Variants in XKR6 observed in about 807,000 individuals in gnomAD.
XKR6 encodes the protein XK-related protein 6.
Under a neutral mutation model 56.7 loss-of-function variants are expected in XKR6, and 22 were observed. The ratio of observed to expected loss-of-function variants is 0.39; its 90% confidence interval spans 0.28 to 0.55. The LOEUF is 0.55. XKR6 is among the 20% of genes least tolerant of loss of function. The pLI, the probability that XKR6 is intolerant of heterozygous loss-of-function variation, is 0.66. For missense variants in XKR6, 852 were observed against 889.0 expected (o/e 0.96, Z 0.53); for synonymous variants, 524 against 387.8 (o/e 1.35, Z -4.13).
chr8:11,103,585 G>A lies in XKR6; in HGVS notation c.764+96991C>T, dbSNP rs560346244. Among the ~76,000 whole-genome samples the A allele has an allele frequency of 6.6e-5, 10 of 152,208 alleles. No homozygotes were observed. In the South Asian group the frequency reaches 1.5e-3, roughly 22 times the overall value. On this transcript the variant is annotated intron_variant, in intron 1 of 2. Transcript: ENST00000416569. ...GATGTGGGTTTCTAAGGTCAAAATG[G>A]GGCTGTAAAGGGTCACTGAGAACCA...
intron 1 of XKR6, among the ~76,000 whole-genome samples, chr8:11,155,958 A>T (rs947935366): frequency 2.6e-5 from 4 of 152,160 alleles, no homozygotes; most frequent in African/African-American, 7.2e-5. Flanking sequence ...ATTCTGTGTG[A>T]ACTCAACCCT....
intron 1 of XKR6, among the ~76,000 whole-genome samples, chr8:10,977,214 A>C (rs1366975628): frequency 6.6e-6 from 1 of 152,030 alleles, no homozygotes; most frequent in Non-Finnish European, 1.5e-5. Context: ...CCCTCATTTT[A>C]CTAAGATGGA....
chr8:11,127,848 T>C (rs1586584985), intron 1 of XKR6, among the ~76,000 whole-genome samples: 2 of 152,234 alleles, frequency 1.3e-5, no homozygotes, highest in African/African-American at 2.4e-5. Flanking sequence ...TATTACGGTA[T>C]AGTTTTAACA....
At chr8:11,173,477 C>T (rs901505967) in intron 1 of XKR6, among the ~76,000 whole-genome samples, 4 of 151,790 alleles carry the variant, frequency 2.6e-5, no homozygotes, top group East Asian at 1.9e-4. Context: ...GGCACAGCAT[C>T]GTCAGAACAT....
chr8:11,090,024 G>A (rs114758785), intron 1 of XKR6, among the ~76,000 whole-genome samples: 5,320 of 152,186 alleles, frequency 0.035, 114 homozygotes, highest in African/African-American at 0.056. Context: ...ACACAAATGT[G>A]GCTTTAACAG....
chr8:10,981,843 T>G (rs4481553), intron 1 of XKR6, among the ~76,000 whole-genome samples: 16,162 of 152,244 alleles, frequency 0.11, 2,945 homozygotes, highest in African/African-American at 0.37. Flanking sequence ...AGTAGAGATG[T>G]CAAAGTGATG....
intron 1 of XKR6, among the ~76,000 whole-genome samples, chr8:11,133,775 G>A (rs544066844): frequency 3.4e-4 from 51 of 152,122 alleles, no homozygotes; most frequent in African/African-American, 1.2e-3. Flanking sequence ...CCTAAGAAAT[G>A]TCAGGTCTTA....
intron 1 of XKR6, among the ~76,000 whole-genome samples, chr8:11,195,550 T>C (rs1038355117): frequency 1.3e-5 from 2 of 152,158 alleles, no homozygotes; most frequent in Non-Finnish European, 2.9e-5. Context: ...ATCAGGTAAG[T>C]CTCAACATTC....
At chr8:10,986,297 G>A (rs1224183398) in intron 1 of XKR6, among the ~76,000 whole-genome samples, 1 of 152,158 alleles carries the variant, frequency 6.6e-6, no homozygotes, top group Non-Finnish European at 1.5e-5. Flanking sequence ...GATCAATTAT[G>A]TAAACATAAA....
chr8:11,003,907 G>T (rs574527982), intron 1 of XKR6, among the ~76,000 whole-genome samples: 23 of 152,330 alleles, frequency 1.5e-4, no homozygotes, highest in South Asian at 1.0e-3. Flanking sequence ...GGGCTTTCAA[G>T]TTCTCCTGGT....
At chr8:10,937,628 C>A (rs28856396) in intron 1 of XKR6, among the ~76,000 whole-genome samples, 1,912 of 150,060 alleles carry the variant, frequency 0.013, 25 homozygotes, top group African/African-American at 0.042. Flanking sequence ...CAGACAGCAC[C>A]CTCAGCTGCA....
At chr8:10,899,006 A>G in intron 2 of XKR6, 90 bp from the exon 3 acceptor site, 3 of 1,496,570 alleles carry the variant, frequency 2.0e-6, no homozygotes. Flanking sequence ...ACGCCCACAT[A>G]CACCACGATC....
At chr8:11,021,513 G>A (rs1396995146) in intron 1 of XKR6, among the ~76,000 whole-genome samples, 3 of 152,080 alleles carry the variant, frequency 2.0e-5, no homozygotes, top group African/African-American at 2.4e-5. Flanking sequence ...TCAGGGCCCA[G>A]CACAATTCAT....
At chr8:10,947,744 C>T (rs1217106885) in intron 1 of XKR6, among the ~76,000 whole-genome samples, 2 of 152,200 alleles carry the variant, frequency 1.3e-5, no homozygotes, top group Non-Finnish European at 2.9e-5. Context: ...TCTTTTCATC[C>T]AGTCCCTTGA....
intron 1 of XKR6, among the ~76,000 whole-genome samples, chr8:11,193,748 C>T (rs1175624541): frequency 7.2e-6 from 1 of 139,350 alleles, no homozygotes; most frequent in Non-Finnish European, 1.6e-5. Flanking sequence ...ACCCCCCCCC[C>T]CCCACAAAAG....
chr8:11,197,807 G>A (rs1240316161), intron 1 of XKR6, among the ~76,000 whole-genome samples: 2 of 152,170 alleles, frequency 1.3e-5, no homozygotes, highest in African/African-American at 2.4e-5. Context: ...GACAGGAATG[G>A]CAAGATGCAG....
chr8:11,122,002 A>C (rs1377012836), intron 1 of XKR6, among the ~76,000 whole-genome samples: 2 of 152,252 alleles, frequency 1.3e-5, no homozygotes, highest in Non-Finnish European at 2.9e-5. Context: ...ACTTGGATAC[A>C]GGAAGGGGAA....
intron 1 of XKR6, among the ~76,000 whole-genome samples, chr8:10,925,749 A>C (rs1439600984): frequency 6.6e-6 from 1 of 152,084 alleles, no homozygotes; most frequent in African/African-American, 2.4e-5. Flanking sequence ...GGTGCATGGG[A>C]AGATTAGTGA....
chr8:10,974,292 T>A (rs866968409), intron 1 of XKR6, among the ~76,000 whole-genome samples: 1 of 152,200 alleles, frequency 6.6e-6, no homozygotes, highest in African/African-American at 2.4e-5. Context: ...ATGCTGCACC[T>A]GAGAGGGCCT....
Sources: allele counts gnomAD v4.1 joint callset (sites outside exome capture counted in the v4.1 genomes callset), GRCh38; gene constraint gnomAD v4.1.1; transcripts MANE v1.5; gene names NCBI Gene and HGNC (gene_info 2026-07-23, HGNC 2026-07-21).